ARNT2: variants seen among roughly 807,000 people sequenced by gnomAD.
ARNT2 encodes ARNT protein 2.
Under a neutral mutation model 91.7 loss-of-function variants are expected in ARNT2, and 36 were observed. That is an observed-to-expected ratio of 0.39 (90% CI 0.30 to 0.52). The LOEUF is 0.52. Among genes scored for constraint, ARNT2 ranks in the 20% least tolerant of loss-of-function variants. The pLI is 0.72. For missense variants in ARNT2, 775 were observed against 939.3 expected (o/e 0.83, Z 2.29); for synonymous variants, 365 against 347.1 (o/e 1.05, Z -0.57).
chr15:80,508,535 A>G (rs910631058), intron 6 of ARNT2, among the ~76,000 whole-genome samples: 1 of 151,800 alleles, frequency 6.6e-6, no homozygotes, highest in African/African-American at 2.4e-5. Context: ...TCTACTTCCT[A>G]CCCATCTTTA....
At chr15:80,549,134 G>A (rs1177791215) in intron 8 of ARNT2, among the ~76,000 whole-genome samples, 4 of 152,090 alleles carry the variant, frequency 2.6e-5, no homozygotes, top group African/African-American at 9.7e-5. Flanking sequence ...TCAAATCACT[G>A]CAATTTAAGA....
chr15:80,577,399 G>T (rs761055836), intron 15 of ARNT2, among the ~76,000 whole-genome samples: 3 of 152,228 alleles, frequency 2.0e-5, no homozygotes, highest in Non-Finnish European at 4.4e-5. Context: ...GGGCACTCAA[G>T]GCTTCAGGCA....
chr15:80,449,348 G>C (rs942135262), intron 1 of ARNT2, among the ~76,000 whole-genome samples: 1 of 152,134 alleles, frequency 6.6e-6, no homozygotes, highest in African/African-American at 2.4e-5. Context: ...TCAGTTTGGG[G>C]ACATAATGGA....
At chr15:80,408,810 GA>G (rs1398624650) in intron 1 of ARNT2, among the ~76,000 whole-genome samples, 5 of 151,756 alleles carry the variant, frequency 3.3e-5, no homozygotes, top group Non-Finnish European at 7.4e-5. Flanking sequence ...TCAAAAGAAA[GA>G]AAAAAAGGAA....
intron 5 of ARNT2, among the ~76,000 whole-genome samples, chr15:80,503,204 G>A (rs78341438): frequency 0.1 from 15,505 of 152,244 alleles, 875 homozygotes; most frequent in Middle Eastern, 0.14. Context: ...CAGCACCCAG[G>A]TCTCCTGTGG....
chr15:80,587,405 G>A (rs1893193506), intron 17 of ARNT2, among the ~76,000 whole-genome samples: 1 of 151,976 alleles, frequency 6.6e-6, no homozygotes, highest in East Asian at 1.9e-4. Context: ...CCTTGGTTTG[G>A]TGGGGGGGTG....
intron 11 of ARNT2, among the ~76,000 whole-genome samples, chr15:80,557,517 C>A (rs114655139): frequency 0.061 from 9,231 of 152,168 alleles, 333 homozygotes; most frequent in Middle Eastern, 0.12. Context: ...GGCCTTAACA[C>A]CTGGGTGATG....
chr15:80,404,382 G>C lies in ARNT2; in HGVS notation c.-134G>C. ...CGGCGGCGGGGAGAGCGGAGGGAGC[G>C]CCGCCCGCCCGCGCCGTCCTTTGTG... is the stretch of plus-strand genomic sequence containing the variant. On this transcript the variant is annotated 5_prime_UTR_variant, in exon 1 of 19. Transcript: ENST00000303329. This position sits in a 1 kb window ranked among gnomAD's most constrained non-coding sequence, Gnocchi z 5.5. 2.6e-6 allele frequency: 1 copy of C among 384,864 alleles called. No individual in the cohort carries two copies. The highest frequency in any genetic ancestry group is 3.6e-6 in the Non-Finnish European group (1 of 275,778). The allele number at this position is 384,864 out of a possible 1,614,324, so 23.8% of individuals were successfully genotyped here. A position where few individuals can be genotyped will look rare whatever the true frequency, so the allele number is the denominator to read the frequency against.
At chr15:80,539,038 A>T (rs1305044262) in intron 8 of ARNT2, among the ~76,000 whole-genome samples, 1 of 152,046 alleles carries the variant, frequency 6.6e-6, no homozygotes, top group Non-Finnish European at 1.5e-5. Context: ...GTATTTTTTT[A>T]ATGAGAAAAG....
intron 5 of ARNT2, among the ~76,000 whole-genome samples, chr15:80,496,548 G>A (rs978923919): frequency 2.6e-5 from 4 of 152,226 alleles, no homozygotes; most frequent in African/African-American, 4.8e-5. Flanking sequence ...TGGGATACAT[G>A]TAGCCTGCCA....
chr15:80,572,446 C>T (rs548111979), intron 12 of ARNT2, among the ~76,000 whole-genome samples: 27 of 151,928 alleles, frequency 1.8e-4, no homozygotes, highest in African/African-American at 6.0e-4. Flanking sequence ...CTGCTCCTCC[C>T]CACCAGCCAC....
chr15:80,582,880 C>G (rs190117493), intron 17 of ARNT2, among the ~76,000 whole-genome samples: 1 of 152,140 alleles, frequency 6.6e-6, no homozygotes, highest in African/African-American at 2.4e-5. Context: ...TGCAGTCACA[C>G]GTGAGATCCT....
intron 5 of ARNT2, among the ~76,000 whole-genome samples, chr15:80,490,968 G>C (rs1029645101): frequency 1.3e-5 from 2 of 152,214 alleles, no homozygotes; most frequent in African/African-American, 4.8e-5. Flanking sequence ...ACACGTTAGA[G>C]GTGGTGGGGA....
intron 5 of ARNT2, among the ~76,000 whole-genome samples, chr15:80,495,319 C>T (rs1897111734): frequency 6.6e-6 from 1 of 152,208 alleles, no homozygotes; most frequent in South Asian, 2.1e-4. Flanking sequence ...CTTCCCAGTA[C>T]ACTCTTTGTG....
At chr15:80,580,848 C>T (rs940873477) in intron 16 of ARNT2, among the ~76,000 whole-genome samples, 7 of 152,348 alleles carry the variant, frequency 4.6e-5, no homozygotes, top group African/African-American at 1.4e-4. Flanking sequence ...TACTCTGGAC[C>T]TCTGGCTGCC....
In ARNT2 at chr15:80,449,591, G is replaced by T. The variant is rs1896357505; in HGVS notation, c.32-1289G>T. On this transcript the variant is annotated intron_variant, in intron 1 of 18. Coordinates refer to ENST00000303329, the MANE Select transcript of ARNT2 (RefSeq NM_014862.4). ...GTGTAATCATTCCCCAAGTTTTGTGGACATAGCAAGATGACTAAATTAAGC... is the reference window on the plus strand; with the variant it reads ...GTGTAATCATTCCCCAAGTTTTGTGTACATAGCAAGATGACTAAATTAAGC... 2.6e-5 allele frequency among the ~76,000 whole-genome samples: 4 copies of T among 152,162 alleles called. No homozygotes were observed. The South Asian group carries it at 8.3e-4, about 32-fold the overall frequency.
At chr15:80,489,028 G>C (rs1417046556) in intron 5 of ARNT2, among the ~76,000 whole-genome samples, 1 of 152,294 alleles carries the variant, frequency 6.6e-6, no homozygotes, top group Non-Finnish European at 1.5e-5. Context: ...TAATTACTTT[G>C]AGTTACTTTG....
At position 80,457,960 on chromosome 15, in the gene ARNT2, C is replaced by G; in HGVS notation, c.178C>G (p.Pro60Ala). Residue 60 changes from proline (P) to alanine (A), a missense_variant, in exon 3 of 19, where the codon CCC becomes GCC. By Grantham distance (27) the Pro-to-Ala change is conservative. Coordinates refer to ENST00000303329, the MANE Select transcript of ARNT2 (RefSeq NM_014862.4). The stretch of plus-strand genomic sequence containing the variant: ...CTTCGATGATGAAGATGGTGAAGGC[C>G]CCAGTAAATTTTCAAGGTAAGTTTA... ...MDFDDEDGEG[P>A]SKFSRENHSE... is the part of the protein sequence containing the mutation. 6.2e-7 allele frequency: 1 copy of G among 1,613,706 alleles called. No homozygotes were observed. The highest frequency in any genetic ancestry group is 8.5e-7 in the Non-Finnish European group (1 of 1,179,844).
intron 2 of ARNT2, among the ~76,000 whole-genome samples, chr15:80,456,032 T>C (rs1159156931): frequency 6.6e-6 from 1 of 152,168 alleles, no homozygotes; most frequent in Non-Finnish European, 1.5e-5. Flanking sequence ...ACCGGGTGAA[T>C]TTGGTTACAG....
Sources: gnomAD v4.1 joint callset for allele counts (sites outside exome capture counted in the v4.1 genomes callset) on GRCh38, gnomAD v4.1.1 for gene constraint, Gnocchi (gnomAD v3.1) non-coding constraint, MANE v1.5 for transcripts, NCBI Gene and HGNC (gene_info 2026-07-23, HGNC 2026-07-21) for gene names.